The following MAMDC2 variants were observed in gnomAD, a reference collection of about 807,000 sequenced individuals.
MAMDC2 encodes the protein MAM domain containing 2, also known as MAM domain-containing protein 2.
Under a neutral mutation model 89.8 loss-of-function variants are expected in MAMDC2, and 57 were observed. The ratio of observed to expected loss-of-function variants is 0.63; its 90% CI spans 0.51 to 0.79. The LOEUF (loss-of-function observed/expected upper bound fraction) is 0.79. Among genes scored for constraint, MAMDC2 ranks in the 30% least tolerant of loss-of-function variants. The pLI is 0.00. For missense variants in MAMDC2, 800 were observed against 820.6 expected, an observed-to-expected ratio of 0.97 and a Z score of 0.31; for synonymous variants, 313 against 293.4, an observed-to-expected ratio of 1.07 and a Z score of -0.68.
chr9:70,126,437 A>C, intron 6 of MAMDC2, 22 bp downstream of exon 6: 2 of 1,601,302 alleles, frequency 1.2e-6, no homozygotes, highest in Non-Finnish European at 1.7e-6. Flanking sequence ...GGTGCGCACC[A>C]GCTGTTCACT....
At chr9:70,114,748 C>T (rs10481741) in intron 5 of MAMDC2, among the ~76,000 whole-genome samples, 98,234 of 151,800 alleles carry the variant, frequency 0.65, 32,282 homozygotes, top group Admixed American at 0.7. Context: ...TCAAGGAAGA[C>T]GCTTTCAAGA....
chr9:70,083,916 T>C (rs1186303687), intron 2 of MAMDC2, among the ~76,000 whole-genome samples: 2 of 152,114 alleles, frequency 1.3e-5, no homozygotes, highest in Non-Finnish European at 2.9e-5. Flanking sequence ...AAGATGAGCA[T>C]GTCCTGGCTT....
chr9:70,075,818 C>G (rs1288729118), intron 2 of MAMDC2, among the ~76,000 whole-genome samples: 1 of 152,212 alleles, frequency 6.6e-6, no homozygotes, highest in East Asian at 1.9e-4. Flanking sequence ...GCAAAGGAGA[C>G]CAGGATGAGC....
intron 11 of MAMDC2, among the ~76,000 whole-genome samples, chr9:70,211,180 A>G (rs928690923): frequency 3.3e-5 from 5 of 152,136 alleles, no homozygotes; most frequent in African/African-American, 7.2e-5. Context: ...TTGCCTTGGT[A>G]GGTTGGGGAA....
intron 6 of MAMDC2, among the ~76,000 whole-genome samples, chr9:70,128,368 G>T (rs184883693): frequency 9.3e-4 from 142 of 152,242 alleles, no homozygotes; most frequent in African/African-American, 3.1e-3. Context: ...ATGTTAATTT[G>T]CCCCCTTCTC....
chr9:70,051,267 C>T (rs1004420204), intron 2 of MAMDC2, among the ~76,000 whole-genome samples: 2 of 152,140 alleles, frequency 1.3e-5, no homozygotes, highest in Non-Finnish European at 2.9e-5. Context: ...AGGCCAACAC[C>T]CCATCTGGTT....
intron 2 of MAMDC2, among the ~76,000 whole-genome samples, chr9:70,066,349 T>G (rs181078143): frequency 6.6e-6 from 1 of 152,102 alleles, no homozygotes; most frequent in East Asian, 1.9e-4. Flanking sequence ...GACAGAGTAG[T>G]AGAAAATGAA....
At chr9:70,164,425 G>A (rs1441106242) in intron 9 of MAMDC2, among the ~76,000 whole-genome samples, 1 of 152,048 alleles carries the variant, frequency 6.6e-6, no homozygotes, top group Non-Finnish European at 1.5e-5. Flanking sequence ...GCCTGTTTGT[G>A]TTTCCAGTCT....
At chr9:70,093,158 A>T (rs1201034129) in intron 2 of MAMDC2, among the ~76,000 whole-genome samples, 4 of 152,180 alleles carry the variant, frequency 2.6e-5, no homozygotes, top group Admixed American at 2.0e-4. Flanking sequence ...TTCTTGCTTA[A>T]ATGAAGCTGA....
intron 8 of MAMDC2, among the ~76,000 whole-genome samples, chr9:70,140,977 G>A (rs2031195298): frequency 6.6e-6 from 1 of 152,068 alleles, no homozygotes; most frequent in Non-Finnish European, 1.5e-5. Context: ...CCAACCCAGT[G>A]GAGACAAGTG....
At chr9:70,118,757 G>A (rs2030147022) in intron 5 of MAMDC2, among the ~76,000 whole-genome samples, 3 of 152,320 alleles carry the variant, frequency 2.0e-5, no homozygotes, top group Admixed American at 1.3e-4. Context: ...GAAGCTCATT[G>A]TCTACTTAGG....
intron 9 of MAMDC2, among the ~76,000 whole-genome samples, chr9:70,162,347 TTA>T (rs2032001075): frequency 6.6e-6 from 1 of 152,150 alleles, no homozygotes; most frequent in African/African-American, 2.4e-5. Flanking sequence ...ATTCTATTCA[TTA>T]TATTTGGTAG....
At chr9:70,129,038 C>T (rs1204713210) in intron 6 of MAMDC2, among the ~76,000 whole-genome samples, 6 of 152,168 alleles carry the variant, frequency 3.9e-5, no homozygotes, top group Non-Finnish European at 8.8e-5. Flanking sequence ...TACATTATCT[C>T]ATTTAATCTC....
chr9:70,156,131 G>T (rs118008028), intron 9 of MAMDC2, among the ~76,000 whole-genome samples: 1 of 152,014 alleles, frequency 6.6e-6, no homozygotes, highest in African/African-American at 2.4e-5. Context: ...GTGCAACATG[G>T]TTCTTGTTGG....
intron 2 of MAMDC2, among the ~76,000 whole-genome samples, chr9:70,075,157 C>T (rs1219783384): frequency 1.3e-5 from 2 of 152,108 alleles, no homozygotes; most frequent in East Asian, 3.9e-4. Flanking sequence ...CAACAGCACA[C>T]AGAGATGAAG....
intron 8 of MAMDC2, among the ~76,000 whole-genome samples, chr9:70,140,875 TG>T (rs1156456927): frequency 6.6e-6 from 1 of 152,226 alleles, no homozygotes; most frequent in Non-Finnish European, 1.5e-5. Context: ...GGACACTTGA[TG>T]GATATATTTA....
chr9:70,067,171 T>G (rs558577853), intron 2 of MAMDC2, among the ~76,000 whole-genome samples: 6 of 152,282 alleles, frequency 3.9e-5, no homozygotes, highest in Admixed American at 1.3e-4. Flanking sequence ...GAAAGAGGGT[T>G]AAACCCTGTG....
chr9:70,110,600 G>GA (rs5898115), intron 4 of MAMDC2, among the ~76,000 whole-genome samples: 5,009 of 152,278 alleles, frequency 0.033, 267 homozygotes, highest in African/African-American at 0.11. Context: ...TGTTTGAAGT[G>GA]AGACCAGGAC....
chr9:70,206,979 A>G (rs2033239300), intron 11 of MAMDC2, among the ~76,000 whole-genome samples: 1 of 152,154 alleles, frequency 6.6e-6, no homozygotes. Context: ...TTATGGCTGC[A>G]TAGTATTCCA....
Sources: gnomAD v4.1 joint callset for allele counts (sites outside exome capture counted in the v4.1 genomes callset) on GRCh38, gnomAD v4.1.1 for gene constraint, MANE v1.5 for transcripts, NCBI Gene and HGNC (gene_info 2026-07-23, HGNC 2026-07-21) for gene names.